PACRG: variants seen among roughly 807,000 people sequenced by gnomAD.
PACRG encodes the protein parkin coregulated gene protein.
Under a neutral mutation model 29.7 loss-of-function variants are expected in PACRG, and 29 were observed. The ratio of observed to expected loss-of-function variants is 0.98; its 90% CI spans 0.73 to 1.33. PACRG has a LOEUF of 1.33. PACRG is among the 40% of genes most tolerant of loss of function. The pLI, the probability that PACRG is intolerant of heterozygous loss-of-function variation, is 0.00. For missense variants in PACRG, 279 were observed against 316.2 expected (o/e 0.88, Z 0.89); for synonymous variants, 116 against 118.7 (o/e 0.98, Z 0.15).
At chr6:162,947,286 A>G (rs9458675) in intron 2 of PACRG, among the ~76,000 whole-genome samples, 62,049 of 100,706 alleles carry the variant, frequency 0.62, 16,853 homozygotes, top group Middle Eastern at 0.73. Flanking sequence ...ATATATAATC[A>G]TACATATAAT....
intron 4 of PACRG, among the ~76,000 whole-genome samples, chr6:163,147,214 A>C (rs1777837490): frequency 6.6e-6 from 1 of 152,252 alleles, no homozygotes; most frequent in Admixed American, 6.5e-5. Flanking sequence ...TATAATTACA[A>C]AAATGTCTAA....
At chr6:162,745,748 G>A (rs1462986987) in intron 1 of PACRG, among the ~76,000 whole-genome samples, 1 of 152,096 alleles carries the variant, frequency 6.6e-6, no homozygotes, top group Non-Finnish European at 1.5e-5. Context: ...AAACTTTCAA[G>A]CCTGTGTGAG....
intron 2 of PACRG, among the ~76,000 whole-genome samples, chr6:163,041,252 G>A (rs1298107468): frequency 2.6e-5 from 4 of 152,120 alleles, no homozygotes; most frequent in African/African-American, 9.7e-5. Flanking sequence ...CAGGAGAATG[G>A]CGTGAACCTG....
intron 3 of PACRG, among the ~76,000 whole-genome samples, chr6:163,067,137 G>T (rs533951084): frequency 6.6e-6 from 1 of 152,214 alleles, no homozygotes; most frequent in South Asian, 2.1e-4. Context: ...CAGCCTTCCT[G>T]CTGTAGCACC....
chr6:162,742,254 C>T (rs1451561986), intron 1 of PACRG, among the ~76,000 whole-genome samples: 2 of 152,152 alleles, frequency 1.3e-5, no homozygotes, highest in Non-Finnish European at 2.9e-5. Flanking sequence ...TGGTTTCCCT[C>T]ATACTATTCT....
At chr6:162,965,109 C>T (rs7742535) in intron 2 of PACRG, among the ~76,000 whole-genome samples, 23,719 of 152,038 alleles carry the variant, frequency 0.16, 3,258 homozygotes, top group African/African-American at 0.36. Flanking sequence ...GACACATGGA[C>T]GAAGGGTTGC....
chr6:163,302,372 C>G (rs1035188357), intron 4 of PACRG, among the ~76,000 whole-genome samples: 1 of 151,982 alleles, frequency 6.6e-6, no homozygotes, highest in Non-Finnish European at 1.5e-5. Flanking sequence ...CATTAATACA[C>G]TTGGGGCAAA....
chr6:162,919,827 G>A (rs1221928904), intron 2 of PACRG, among the ~76,000 whole-genome samples: 1 of 152,064 alleles, frequency 6.6e-6, no homozygotes, highest in Admixed American at 6.6e-5. Context: ...AATGTAAAAT[G>A]TGTTACATGA....
chr6:162,886,446 GA>G (rs1264242584), intron 2 of PACRG, among the ~76,000 whole-genome samples: 1 of 152,160 alleles, frequency 6.6e-6, no homozygotes, highest in Non-Finnish European at 1.5e-5. Flanking sequence ...TGGACTTGAT[GA>G]AATCTTACAT....
chr6:162,854,188 T>C (rs1584550311), intron 2 of PACRG, among the ~76,000 whole-genome samples: 1 of 149,602 alleles, frequency 6.7e-6, no homozygotes, highest in South Asian at 2.1e-4. Flanking sequence ...TTTAATTGAA[T>C]GATTTTGTTT....
chr6:162,929,614 G>A lies in PACRG; in HGVS notation c.291+115333G>A, dbSNP rs139934688. Among the ~76,000 whole-genome samples the A allele has an allele frequency of 1.8e-3, 273 of 151,944 alleles. 4 individuals are homozygous for A. Among genetic ancestry groups the A allele is most frequent in the Admixed American group, 0.015 (233 of 15,238 alleles). On this transcript the variant is annotated intron_variant, in intron 2 of 4. Coordinates refer to ENST00000366888, the MANE Select transcript of PACRG (RefSeq NM_001080379.2). Reference sequence around the variant, plus strand: ...CCATTTGTCCATTTTTGCTTTGATCGTCTTTGCTTCTGAGGTCTTACACAA... The same window carrying A: ...CCATTTGTCCATTTTTGCTTTGATCATCTTTGCTTCTGAGGTCTTACACAA...
intron 4 of PACRG, among the ~76,000 whole-genome samples, chr6:163,127,602 C>T (rs1266771870): frequency 6.6e-6 from 1 of 152,166 alleles, no homozygotes; most frequent in African/African-American, 2.4e-5. Flanking sequence ...ATTAGTTTCC[C>T]CTTCCTGGGC....
chr6:162,839,061 A>G (rs1442814650), intron 2 of PACRG, among the ~76,000 whole-genome samples: 2 of 134,274 alleles, frequency 1.5e-5, no homozygotes, highest in Non-Finnish European at 3.1e-5. Flanking sequence ...ATACGTGTGC[A>G]TGTGTCTTTA....
chr6:163,278,489 C>T (rs539940271), intron 4 of PACRG, among the ~76,000 whole-genome samples: 30 of 152,272 alleles, frequency 2.0e-4, no homozygotes, highest in Admixed American at 1.4e-3. Context: ...AGTCTTTGAT[C>T]CATCTTGAGT....
chr6:163,109,549 A>C (rs115831900), intron 4 of PACRG, among the ~76,000 whole-genome samples: 3 of 152,192 alleles, frequency 2.0e-5, no homozygotes, highest in African/African-American at 7.2e-5. Flanking sequence ...TTCTATCTTT[A>C]TAATCTCTTA....
At chr6:163,312,545 G>A (rs928830261) in intron 4 of PACRG, among the ~76,000 whole-genome samples, 23 of 151,922 alleles carry the variant, frequency 1.5e-4, no homozygotes, top group Non-Finnish European at 2.8e-4. Flanking sequence ...CATCTCCCCC[G>A]TGCAGCCATT....
chr6:162,886,716 T>C (rs1401797720), intron 2 of PACRG, among the ~76,000 whole-genome samples: 1 of 152,224 alleles, frequency 6.6e-6, no homozygotes, highest in East Asian at 1.9e-4. Flanking sequence ...TTATTTTTGT[T>C]ACACAAATCT....
At chr6:162,850,779 G>A (rs1024881244) in intron 2 of PACRG, among the ~76,000 whole-genome samples, 6 of 152,200 alleles carry the variant, frequency 3.9e-5, no homozygotes, top group Non-Finnish European at 8.8e-5. Context: ...CCTTAGTGCT[G>A]TGAGCTACTC....
At chr6:163,171,537 T>C (rs1462252291) in intron 4 of PACRG, among the ~76,000 whole-genome samples, 1 of 152,222 alleles carries the variant, frequency 6.6e-6, no homozygotes, top group Non-Finnish European at 1.5e-5. Context: ...ATCTAAAGCA[T>C]AGGCTCCTAT....
Sources: gnomAD v4.1 joint callset for allele counts (sites outside exome capture counted in the v4.1 genomes callset) on GRCh38, gnomAD v4.1.1 for gene constraint, MANE v1.5 for transcripts, NCBI Gene and HGNC (gene_info 2026-07-23, HGNC 2026-07-21) for gene names.